OPCML: variants seen among roughly 807,000 people sequenced by gnomAD.
OPCML encodes opioid-binding protein/cell adhesion molecule.
A neutral mutation model predicts 37.8 loss-of-function variants in OPCML; 13 were observed. The observed-to-expected ratio is 0.34, with a 90% CI of 0.22 to 0.55. The LOEUF is 0.55. Among genes scored for constraint, OPCML ranks in the 20% least tolerant of loss-of-function variants. The probability of loss-of-function intolerance (pLI) is 0.91; values close to 1 mark genes in which losing one functional copy is unlikely to be tolerated. For synonymous variants in OPCML, 176 were observed against 168.8 expected (o/e 1.04, Z -0.33); for missense variants, 341 against 435.6 (o/e 0.78, Z 1.93).
Position 132,629,568 on chromosome 11 carries a change from T to G in OPCML, c.379+27519A>C, listed in dbSNP as rs571517100. ...AAGTTAGTACCAAAATACTGTTACA[T>G]AACCACTGTCTTTTATTATGCCAAT... On this transcript the variant is annotated intron_variant, in intron 3 of 7. Coordinates refer to ENST00000524381, the MANE Select transcript of OPCML (RefSeq NM_001012393.5). Among the ~76,000 whole-genome samples the G allele has an allele frequency of 9.2e-5, 14 of 152,314 alleles. No individual in the cohort carries two copies. In the South Asian group the frequency reaches 2.5e-3, roughly 27 times the overall value.
At chr11:132,822,399 G>T (rs1940049587) in intron 2 of OPCML, among the ~76,000 whole-genome samples, 1 of 152,200 alleles carries the variant, frequency 6.6e-6, no homozygotes, top group Admixed American at 6.5e-5. Flanking sequence ...TCTGCACTCG[G>T]TGACATTCCC....
intron 2 of OPCML, among the ~76,000 whole-genome samples, chr11:132,820,191 T>C (rs201696560): frequency 6.6e-6 from 1 of 152,124 alleles, no homozygotes; most frequent in Non-Finnish European, 1.5e-5. Flanking sequence ...CCCGTAAAAG[T>C]AAGGTCATTA....
intron 1 of OPCML, among the ~76,000 whole-genome samples, chr11:133,306,891 C>T (rs983171971): frequency 1.3e-5 from 2 of 152,208 alleles, no homozygotes; most frequent in Non-Finnish European, 2.9e-5. Context: ...ACACATACAG[C>T]TGGCCATGTA....
At chr11:133,273,894 G>A (rs7108585) in intron 1 of OPCML, among the ~76,000 whole-genome samples, 50,696 of 152,164 alleles carry the variant, frequency 0.33, 9,291 homozygotes, top group East Asian at 0.69. Flanking sequence ...CATCTGCAGT[G>A]TGCATAAGTT....
chr11:133,499,692 G>A (rs960166090), intron 1 of OPCML, among the ~76,000 whole-genome samples: 1 of 150,478 alleles, frequency 6.6e-6, no homozygotes, highest in Non-Finnish European at 1.5e-5. Context: ...GTTTGTTGGG[G>A]TTTTTTTTAA....
chr11:132,436,901 C>A, intron 5 of OPCML, 122 bp from the exon 6 acceptor site: 2 of 1,466,550 alleles, frequency 1.4e-6, no homozygotes, highest in South Asian at 1.4e-5. Context: ...CTTGTGACAA[C>A]CCTCTTTCCC....
intron 2 of OPCML, among the ~76,000 whole-genome samples, chr11:132,788,748 G>A (rs183396904): frequency 5.9e-5 from 9 of 152,248 alleles, no homozygotes; most frequent in South Asian, 4.1e-4. Context: ...AACACAAACC[G>A]TTTGAGTAGC....
At chr11:132,694,272 C>T (rs1943522010) in intron 2 of OPCML, among the ~76,000 whole-genome samples, 1 of 134,100 alleles carries the variant, frequency 7.5e-6, no homozygotes, top group African/African-American at 2.7e-5. Flanking sequence ...GATCTTGGCT[C>T]ACTGCAATCT....
intron 1 of OPCML, among the ~76,000 whole-genome samples, chr11:133,230,479 G>A (rs1940231228): frequency 6.6e-6 from 1 of 152,194 alleles, no homozygotes; most frequent in Admixed American, 6.5e-5. Context: ...CTGACCTAAG[G>A]AACAAAAGCA....
chr11:132,541,967 G>A (rs1261492246), intron 3 of OPCML, among the ~76,000 whole-genome samples: 1 of 152,242 alleles, frequency 6.6e-6, no homozygotes, highest in Non-Finnish European at 1.5e-5. Context: ...AGCACCTGTT[G>A]CACTGAGTAG....
chr11:133,332,748 G>A (rs1228547825), intron 1 of OPCML, among the ~76,000 whole-genome samples: 1 of 152,122 alleles, frequency 6.6e-6, no homozygotes, highest in Admixed American at 6.5e-5. Flanking sequence ...TTTATCTGAT[G>A]AATCACATTG....
intron 1 of OPCML, among the ~76,000 whole-genome samples, chr11:133,175,305 G>A (rs1950351184): frequency 6.6e-6 from 1 of 152,162 alleles, no homozygotes; most frequent in African/African-American, 2.4e-5. Context: ...CACATCTGCT[G>A]TGAGTCCACT....
At chr11:133,363,573 C>G (rs1367114543) in intron 1 of OPCML, among the ~76,000 whole-genome samples, 2 of 152,202 alleles carry the variant, frequency 1.3e-5, no homozygotes, top group South Asian at 2.1e-4. Context: ...TTTCTCCTTT[C>G]AAGATGCTGT....
At chr11:132,633,697 T>C (rs1439054532) in intron 3 of OPCML, among the ~76,000 whole-genome samples, 1 of 151,970 alleles carries the variant, frequency 6.6e-6, no homozygotes, top group Non-Finnish European at 1.5e-5. Context: ...AGCCATCTCT[T>C]CTCCCTGGTG....
intron 1 of OPCML, among the ~76,000 whole-genome samples, chr11:133,265,420 A>G (rs566306552): frequency 6.6e-6 from 1 of 152,264 alleles, no homozygotes; most frequent in Non-Finnish European, 1.5e-5. Context: ...TGAAAGTCTG[A>G]TGGGCATTTC....
In OPCML at chr11:132,765,945, G is replaced by A. The variant is rs373610989; in HGVS notation, c.147-108626C>T. On this transcript the variant is annotated intron_variant, in intron 2 of 7. Transcript: ENST00000524381. ...GTCATGCCAGAGAGAAAGAAAATGT[G>A]CAAAAAATAATGAGCACACATCAAA... is the stretch of plus-strand genomic sequence containing the variant. 4.6e-5 allele frequency among the ~76,000 whole-genome samples: 7 copies of A among 152,194 alleles called. 1 individual carries two copies. The East Asian group carries it at 1.2e-3, about 25-fold the overall frequency.
At chr11:132,984,694 C>G (rs1946653265) in intron 1 of OPCML, among the ~76,000 whole-genome samples, 1 of 152,150 alleles carries the variant, frequency 6.6e-6, no homozygotes, top group African/African-American at 2.4e-5. Context: ...AACCAAAGAC[C>G]ACTGACTGCT....
At chr11:132,665,874 A>G (rs561522445) in intron 2 of OPCML, among the ~76,000 whole-genome samples, 2 of 152,352 alleles carry the variant, frequency 1.3e-5, no homozygotes, top group South Asian at 2.1e-4. Flanking sequence ...GACAAATGAT[A>G]GAACACAAGA....
chr11:132,945,846 A>G (rs560602776), intron 1 of OPCML, among the ~76,000 whole-genome samples: 144 of 151,818 alleles, frequency 9.5e-4, no homozygotes, highest in Admixed American at 1.9e-3. Flanking sequence ...GCAGTGGCGC[A>G]ATCTCGGCTC....
Sources: gnomAD v4.1 joint callset for allele counts (sites outside exome capture counted in the v4.1 genomes callset) on GRCh38, gnomAD v4.1.1 for gene constraint, MANE v1.5 for transcripts, NCBI Gene and HGNC (gene_info 2026-07-23, HGNC 2026-07-21) for gene names.